The following REEP1 variants were observed in gnomAD, a reference collection of about 807,000 sequenced individuals.
REEP1 encodes the protein receptor expression-enhancing protein 1.
REEP1 carries 22 observed loss-of-function variants against 40.3 expected under a neutral mutation model. The observed-to-expected ratio is 0.55, with a 90% CI of 0.39 to 0.78. The LOEUF is 0.78. Among genes scored for constraint, REEP1 ranks in the 30% least tolerant of loss-of-function variants. The pLI is 0.00. For synonymous variants in REEP1, 116 were observed against 139.2 expected (o/e 0.83, Z 1.17); for missense variants, 280 against 361.1 (o/e 0.78, Z 1.82).
intron 2 of REEP1, among the ~76,000 whole-genome samples, chr2:86,266,680 T>A (rs578043622): frequency 0.058 from 8,599 of 147,506 alleles, 363 homozygotes; most frequent in African/African-American, 0.11. Flanking sequence ...AATAAATAAA[T>A]AAAGATATAC....
intron 5 of REEP1, among the ~76,000 whole-genome samples, chr2:86,242,563 C>T (rs1675721843): frequency 6.6e-6 from 1 of 152,036 alleles, no homozygotes; most frequent in South Asian, 2.1e-4. Context: ...GAGGTAGAAA[C>T]AGAGGCAGAT....
rs185727706 is a variant in REEP1 at position 86,285,970 on chromosome 2, C to G, written c.33-3728G>C. ...AGAGAGACCAGGCTCTGCACTAACA[C>G]ACTTCTCTCGGTTATCTCTGAACGG... On this transcript the variant is annotated intron_variant, in intron 1 of 8. Coordinates refer to ENST00000538924, the MANE Select transcript of REEP1 (RefSeq NM_001371279.1). 2.3e-3 allele frequency among the ~76,000 whole-genome samples: 346 copies of G among 152,310 alleles called. 3 individuals carry two copies. Among genetic ancestry groups the G allele is most frequent in the Admixed American group, 8.0e-3 (122 of 15,308 alleles).
intron 3 of REEP1, among the ~76,000 whole-genome samples, chr2:86,256,116 AG>A (rs1348993081): frequency 6.6e-6 from 1 of 152,042 alleles, no homozygotes; most frequent in African/African-American, 2.4e-5. Flanking sequence ...TGGGAGGAAG[AG>A]GTGGGTGGAT....
At chr2:86,314,765 T>C (rs1241417152) in intron 1 of REEP1, among the ~76,000 whole-genome samples, 2 of 144,762 alleles carry the variant, frequency 1.4e-5, no homozygotes, top group African/African-American at 5.1e-5. Context: ...GGTGGGAGGA[T>C]TGATTGAGCC....
rs1172259943 is a variant in REEP1 at position 86,217,081 on chromosome 2, G to A, written c.813C>T (p.Phe271=). 3 of 1,614,020 alleles carry A rather than the reference G, an allele frequency of 1.9e-6. No individual in the cohort carries two copies. Among genetic ancestry groups the A allele is most frequent in the African/African-American group, 1.3e-5 (1 of 74,930 alleles). ...CCGAGGATGAGGTACTTTTCTTCCT[G>A]AAGCGAGATCGAAGGATTCTAGGCG... ...EAPPRILRSR[F]RKKSTSSSAT... is the part of the protein sequence containing the mutation. The change falls in exon 9 of 9, where the codon TTC becomes TTT. Residue 271 remains phenylalanine, a synonymous_variant. Transcript: ENST00000538924.
chr2:86,279,212 G>T (rs1425975793), intron 2 of REEP1, among the ~76,000 whole-genome samples: 2 of 152,216 alleles, frequency 1.3e-5, no homozygotes, highest in Non-Finnish European at 2.9e-5. Context: ...TGCAGATAAT[G>T]CTGGCCACCA....
intron 1 of REEP1, among the ~76,000 whole-genome samples, chr2:86,292,340 T>A (rs1303114179): frequency 6.6e-6 from 1 of 152,208 alleles, no homozygotes; most frequent in Non-Finnish European, 1.5e-5. Flanking sequence ...TGCCAATTCT[T>A]TTAACCACAA....
At chr2:86,273,317 G>A (rs937875321) in intron 2 of REEP1, among the ~76,000 whole-genome samples, 1 of 142,894 alleles carries the variant, frequency 7.0e-6, no homozygotes, top group African/African-American at 2.6e-5. Context: ...ACAGGGTCTC[G>A]CTTGTCATCC....
chr2:86,314,099 T>C (rs965397465), intron 1 of REEP1, among the ~76,000 whole-genome samples: 1 of 152,184 alleles, frequency 6.6e-6, no homozygotes, highest in Non-Finnish European at 1.5e-5. Context: ...CCACAGTGAC[T>C]GGAATGATCT....
At chr2:86,309,577 C>T (rs1679665116) in intron 1 of REEP1, among the ~76,000 whole-genome samples, 1 of 152,218 alleles carries the variant, frequency 6.6e-6, no homozygotes, top group Admixed American at 6.5e-5. Flanking sequence ...AATCCATTTT[C>T]CCACAGCACT....
At chr2:86,251,090 T>A (rs1676246129) in intron 5 of REEP1, among the ~76,000 whole-genome samples, 1 of 152,176 alleles carries the variant, frequency 6.6e-6, no homozygotes, top group African/African-American at 2.4e-5. Context: ...TCAGCATAAC[T>A]GCCTTCCCTC....
intron 5 of REEP1, among the ~76,000 whole-genome samples, chr2:86,235,185 G>A (rs1341832385): frequency 3.9e-5 from 6 of 152,214 alleles, no homozygotes; most frequent in East Asian, 1.9e-4. Flanking sequence ...CTGAGAAAGC[G>A]GAGAACGACA....
At chr2:86,322,356 CAA>C (rs1680305314) in intron 1 of REEP1, among the ~76,000 whole-genome samples, 1 of 151,990 alleles carries the variant, frequency 6.6e-6, no homozygotes, top group African/African-American at 2.4e-5. Context: ...CCAGCCTGGG[CAA>C]AAGAGATAGA....
At chr2:86,332,708 T>C (rs1285254531) in intron 1 of REEP1, among the ~76,000 whole-genome samples, 2 of 152,178 alleles carry the variant, frequency 1.3e-5, no homozygotes, top group South Asian at 2.1e-4. Context: ...AAGAAGTGCA[T>C]GAAAGCTACT....
At chr2:86,217,301 G>A (rs1423946372) in intron 8 of REEP1, among the ~76,000 whole-genome samples, 191 bp from the exon 9 acceptor site, 1 of 152,194 alleles carries the variant, frequency 6.6e-6, no homozygotes, top group African/African-American at 2.4e-5. Flanking sequence ...ATCGCATGAA[G>A]CTGAGCCCTT....
chr2:86,236,332 G>T (rs1443654677), intron 5 of REEP1, among the ~76,000 whole-genome samples: 1 of 152,012 alleles, frequency 6.6e-6, no homozygotes, highest in African/African-American at 2.4e-5. Context: ...CACACTGTCT[G>T]TTCAGCTCCG....
chr2:86,309,110 A>C (rs1042485604), intron 1 of REEP1, among the ~76,000 whole-genome samples: 3 of 152,196 alleles, frequency 2.0e-5, no homozygotes, highest in Non-Finnish European at 4.4e-5. Flanking sequence ...CCTTTGGCCT[A>C]GTTAAAAATA....
chr2:86,216,886 C>A lies in REEP1; in HGVS notation c.*153G>T. On this transcript the variant is annotated 3_prime_UTR_variant, in exon 9 of 9. Transcript: ENST00000538924. ...AAAGAAAAGGGGGAAAAAAATAAAT[C>A]CTTAAAAGTGGAAGGGGAGAGAGAA... The A allele has an allele frequency of 8.3e-4, 465 of 557,606 alleles. No homozygotes were observed. The highest frequency in any genetic ancestry group is 1.4e-3 in the East Asian group (39 of 27,588). The allele number at this position is 557,606 out of a possible 1,614,324, so 34.5% of individuals were successfully genotyped here. A position where few individuals can be genotyped will look rare whatever the true frequency, so the allele number is the denominator to read the frequency against.
intron 3 of REEP1, among the ~76,000 whole-genome samples, chr2:86,262,756 C>G (rs959662569): frequency 4.6e-5 from 7 of 152,218 alleles, no homozygotes; most frequent in Non-Finnish European, 8.8e-5. Flanking sequence ...AATGCAAAAC[C>G]AACCCCATGA....
Sources: gnomAD v4.1 joint callset for allele counts (sites outside exome capture counted in the v4.1 genomes callset) on GRCh38, gnomAD v4.1.1 for gene constraint, MANE v1.5 for transcripts, NCBI Gene and HGNC (gene_info 2026-07-23, HGNC 2026-07-21) for gene names.